The following TC2N variants were observed in gnomAD, a reference collection of about 807,000 sequenced individuals.
TC2N encodes tandem C2 domains nuclear protein.
TC2N carries 51 observed loss-of-function variants against 61.9 expected under a neutral mutation model. The observed-to-expected ratio is 0.82, with a 90% CI of 0.66 to 1.04. TC2N has a LOEUF of 1.04. TC2N is among the 50% of genes least tolerant of loss of function. The pLI, the probability that TC2N is intolerant of heterozygous loss-of-function variation, is 0.00. For synonymous variants in TC2N, 204 were observed against 192.6 expected (o/e 1.06, Z -0.49); for missense variants, 556 against 566.7 (o/e 0.98, Z 0.19).
chr14:91,802,069 T>G (rs1420397009), intron 4 of TC2N, among the ~76,000 whole-genome samples, 185 bp downstream of exon 4: 2 of 152,256 alleles, frequency 1.3e-5, no homozygotes, highest in Non-Finnish European at 2.9e-5. Context: ...CTCATTAATC[T>G]TTCAATTCTT....
chr14:91,841,612 G>T (rs1176302889), intron 1 of TC2N, among the ~76,000 whole-genome samples: 1 of 152,188 alleles, frequency 6.6e-6, no homozygotes, highest in African/African-American at 2.4e-5. Flanking sequence ...TGACTTGAGA[G>T]CTTGGTGGGA....
intron 1 of TC2N, among the ~76,000 whole-genome samples, chr14:91,856,198 AC>A (rs1231088625): frequency 1.3e-5 from 2 of 152,142 alleles, no homozygotes; most frequent in African/African-American, 4.8e-5. Flanking sequence ...TATTCAAGAT[AC>A]TTTTAAGGGC....
intron 1 of TC2N, among the ~76,000 whole-genome samples, chr14:91,847,738 A>C (rs1350723092): frequency 6.6e-6 from 1 of 152,178 alleles, no homozygotes; most frequent in Non-Finnish European, 1.5e-5. Context: ...CAGATTCATA[A>C]ACTAAATAAC....
chr14:91,820,917 G>A (rs1887218565), intron 1 of TC2N, among the ~76,000 whole-genome samples: 1 of 151,876 alleles, frequency 6.6e-6, no homozygotes. Context: ...CTTATACACT[G>A]CAAACCACAA....
chr14:91,825,423 A>C (rs983985165), intron 1 of TC2N, among the ~76,000 whole-genome samples: 1 of 152,188 alleles, frequency 6.6e-6, no homozygotes. Flanking sequence ...GAGCCAGCTA[A>C]TAGGTTTGCC....
intron 1 of TC2N, among the ~76,000 whole-genome samples, chr14:91,844,869 G>A (rs1888239369): frequency 6.6e-6 from 1 of 151,978 alleles, no homozygotes; most frequent in African/African-American, 2.4e-5. Context: ...CATACTTGGG[G>A]ATGACAATAG....
chr14:91,806,042 A>G (rs903302017), intron 3 of TC2N, among the ~76,000 whole-genome samples: 3 of 152,166 alleles, frequency 2.0e-5, no homozygotes, highest in Admixed American at 6.5e-5. Context: ...GTGGTAGTGA[A>G]TAAGTCTCAA....
intron 1 of TC2N, among the ~76,000 whole-genome samples, chr14:91,843,142 C>T (rs529097829): frequency 1.3e-5 from 2 of 152,224 alleles, no homozygotes; most frequent in East Asian, 3.9e-4. Context: ...GTAAGACACC[C>T]TAAAGCAGAG....
intron 1 of TC2N, among the ~76,000 whole-genome samples, chr14:91,835,009 A>G (rs1222100033): frequency 6.6e-6 from 1 of 152,222 alleles, no homozygotes; most frequent in Non-Finnish European, 1.5e-5. Flanking sequence ...TCCACTAGAC[A>G]GCTATGCCAG....
At chr14:91,827,928 T>C (rs1887572020) in intron 1 of TC2N, among the ~76,000 whole-genome samples, 1 of 152,244 alleles carries the variant, frequency 6.6e-6, no homozygotes, top group African/African-American at 2.4e-5. Context: ...TCATTGCACA[T>C]ATTTTGATTC....
At chr14:91,835,960 C>A (rs1047560534) in intron 1 of TC2N, among the ~76,000 whole-genome samples, 1 of 152,074 alleles carries the variant, frequency 6.6e-6, no homozygotes, top group African/African-American at 2.4e-5. Flanking sequence ...ACGGGTCCCC[C>A]TAGGCAGAGC....
At chr14:91,845,816 T>G (rs180683924) in intron 1 of TC2N, among the ~76,000 whole-genome samples, 155 of 152,312 alleles carry the variant, frequency 1.0e-3, no homozygotes, top group African/African-American at 3.2e-3. Context: ...AAAGCTGCAG[T>G]CTACACCTGA....
At chr14:91,785,763 A>G (rs1885336171) in intron 10 of TC2N, among the ~76,000 whole-genome samples, 1 of 152,146 alleles carries the variant, frequency 6.6e-6, no homozygotes, top group South Asian at 2.1e-4. Context: ...AGTTAAGTAT[A>G]TGCCCACTAG....
At chr14:91,855,562 C>T (rs1031077552) in intron 1 of TC2N, among the ~76,000 whole-genome samples, 2 of 152,168 alleles carry the variant, frequency 1.3e-5, no homozygotes, top group Non-Finnish European at 2.9e-5. Flanking sequence ...TAGAGCTCAC[C>T]CTATTCCAGC....
rs577983739 is a variant in TC2N, at chr14:91,850,513, A to G, written c.-57+16749T>C. Among the ~76,000 whole-genome samples, 3 of 152,356 alleles carry G rather than the reference A, an allele frequency of 2.0e-5. No individual in the cohort carries two copies. In the East Asian group the frequency reaches 5.8e-4, roughly 29 times the overall value. ...TCATCTGTATTTACAGCCTCTCCCC[A>G]TCACTCATATTACCACCTGAGCTCT... On this transcript the variant is annotated intron_variant, in intron 1 of 11. Transcript: ENST00000435962.
chr14:91,865,829 T>C (rs953372650), intron 1 of TC2N, among the ~76,000 whole-genome samples: 1 of 152,204 alleles, frequency 6.6e-6, no homozygotes, highest in African/African-American at 2.4e-5. Context: ...CCACATTATA[T>C]TCCAGTTTTG....
In TC2N at chr14:91,813,720, T is replaced by C. The variant is rs1886879171; in HGVS notation, c.50A>G (p.Glu17Gly). The C allele has an allele frequency of 1.9e-6, 3 of 1,607,380 alleles. No individual in the cohort carries two copies. The highest frequency in any genetic ancestry group is 2.6e-6 in the Non-Finnish European group (3 of 1,175,322). ...AAACTCACAGTTGTGTTTTTCTGTT[T>C]CACCATAGAAACATCCTCCACAGCA... Reference protein sequence around the residue: ...KSCCGGCFYGETEKHNFSVER... With the variant: ...KSCCGGCFYGGTEKHNFSVER... Residue 17 changes from glutamate (E) to glycine (G), a missense_variant, in exon 2 of 12, where the codon GAA (glutamate) becomes GGA (glycine). By Grantham distance (98) the Glu-to-Gly change is moderately conservative. Transcript: ENST00000435962.
chr14:91,815,869 C>G (rs921584029), intron 1 of TC2N, among the ~76,000 whole-genome samples: 2 of 151,738 alleles, frequency 1.3e-5, no homozygotes, highest in Non-Finnish European at 1.5e-5. Flanking sequence ...CAAACAGTAT[C>G]TGTAATGAAT....
chr14:91,792,447 C>T lies in TC2N; in HGVS notation c.967G>A (p.Glu323Lys), dbSNP rs1209227263. ...AGGGTTCTGAGTGACATTGAGCATT[C>T]TCCAATGGTTTTCTTCCTGGGAGTC... ...TQTPRKKTIG[E>K]CSMSLRTLST... The change falls in exon 9 of 12, where the codon GAA becomes AAA. Residue 323 changes from glutamate (E) to lysine (K), a missense_variant. By Grantham distance (56) the Glu-to-Lys change is moderately conservative (BLOSUM62 1). Coordinates refer to ENST00000435962, the MANE Select transcript of TC2N (RefSeq NM_001128596.3). 4 of 1,611,240 alleles carry T rather than the reference C, an allele frequency of 2.5e-6. 1 individual carries two copies. The South Asian group carries it at 3.3e-5, about 13-fold the overall frequency.
Sources: gnomAD v4.1 joint callset for allele counts (sites outside exome capture counted in the v4.1 genomes callset) on GRCh38, gnomAD v4.1.1 for gene constraint, MANE v1.5 for transcripts, NCBI Gene and HGNC (gene_info 2026-07-23, HGNC 2026-07-21) for gene names.